The following COL18A1 variants were observed in gnomAD, a reference collection of about 807,000 sequenced individuals.
COL18A1 encodes the protein collagen alpha-1(XVIII) chain.
Under a neutral mutation model 168.0 loss-of-function variants are expected in COL18A1, and 133 were observed. The ratio of observed to expected loss-of-function variants is 0.79; its 90% CI spans 0.69 to 0.91. COL18A1 has a LOEUF of 0.91. COL18A1 is among the 40% of genes least tolerant of loss of function. COL18A1 has a pLI of 0.00. For missense variants in COL18A1, 2,126 were observed against 1,925.4 expected, an observed-to-expected ratio of 1.10 and a Z score of -1.95; for synonymous variants, 949 against 809.0, an observed-to-expected ratio of 1.17 and a Z score of -2.94.
chr21:45,510,611 C>T (rs1397852062), intron 40 of COL18A1, among the ~76,000 whole-genome samples: 2 of 152,186 alleles, frequency 1.3e-5, no homozygotes, highest in East Asian at 1.9e-4. Context: ...GAATCAGGAA[C>T]CGTCCTTTGG....
At chr21:45,440,532 GT>G (rs1226718822) in intron 2 of COL18A1, among the ~76,000 whole-genome samples, 1 of 151,618 alleles carries the variant, frequency 6.6e-6, no homozygotes, top group African/African-American at 2.4e-5. Flanking sequence ...GCCTGCTGGG[GT>G]TTGAGCCACG....
In COL18A1 at chr21:45,497,101, C is replaced by G; in HGVS notation, c.2620+9C>G. ...GCCTCCAGGATTGCCAGGTGAGGGT[C>G]CTGGGCTCACAGCTGGGGACACAGG... On this transcript the variant is annotated intron_variant, in intron 31 of 41. Coordinates refer to ENST00000651438, the MANE Select transcript of COL18A1 (RefSeq NM_001379500.1). 1 of 1,554,018 alleles carries G rather than the reference C, an allele frequency of 6.4e-7. No individual in the cohort carries two copies. The highest frequency in any genetic ancestry group is 1.1e-5 in the South Asian group (1 of 90,134).
intron 2 of COL18A1, among the ~76,000 whole-genome samples, chr21:45,464,633 G>T (rs2035142886): frequency 6.6e-6 from 1 of 152,214 alleles, no homozygotes; most frequent in Non-Finnish European, 1.5e-5. Context: ...TGTTGTCAGG[G>T]CTGGGTCCCT....
intron 2 of COL18A1, among the ~76,000 whole-genome samples, chr21:45,414,109 C>T (rs1183597737): frequency 1.3e-5 from 2 of 152,186 alleles, no homozygotes; most frequent in Non-Finnish European, 1.5e-5. Flanking sequence ...TTGGATGCAC[C>T]GCCTGGCCCC....
chr21:45,413,360 G>C (rs1393708155), intron 2 of COL18A1, among the ~76,000 whole-genome samples: 1 of 152,268 alleles, frequency 6.6e-6, no homozygotes, highest in African/African-American at 2.4e-5. Flanking sequence ...CACCATGACA[G>C]GCTTCAACGC....
chr21:45,489,088 C>T (rs1284268405), intron 18 of COL18A1, among the ~76,000 whole-genome samples: 2 of 152,244 alleles, frequency 1.3e-5, no homozygotes, highest in African/African-American at 4.8e-5. Flanking sequence ...TCACGCGTCA[C>T]CAGCCCCTGC....
chr21:45,454,577 C>T (rs761891635), intron 2 of COL18A1, among the ~76,000 whole-genome samples: 22 of 152,188 alleles, frequency 1.4e-4, no homozygotes, highest in African/African-American at 2.7e-4. Context: ...TGATGGGCTC[C>T]GTGATCTTGA....
chr21:45,476,448 T>C lies in COL18A1; in HGVS notation c.896T>C (p.Val299Ala). The stretch of plus-strand genomic sequence containing the variant: ...ACGGAAGATTCCAGAAGTGAAGAAG[T>C]CGAGGAGCAGACCACGGTGGCTTCG... The part of the protein sequence containing the change: ...SSTEDSRSEE[V>A]EEQTTVASLG... Residue 299 changes from valine to alanine, a missense_variant, in exon 6 of 42, where the codon GTC becomes GCC. Val to Ala is a moderately conservative substitution (Grantham distance 64, BLOSUM62 0). Coordinates refer to ENST00000651438, the MANE Select transcript of COL18A1 (RefSeq NM_001379500.1). 6.2e-7 allele frequency: 1 copy of C among 1,613,602 alleles called. No homozygotes were observed.
chr21:45,441,414 A>AC lies in COL18A1; in HGVS notation c.107-26823dup, dbSNP rs565351225. ...GAGTTTTCCTGTGTTAAATCATAAA[A>AC]CCCCCACATGCCCATCCCAGGTGCC... On this transcript the variant is annotated intron_variant, in intron 2 of 41. Transcript: ENST00000651438. Among the ~76,000 whole-genome samples the AC allele has an allele frequency of 2.1e-4, 32 of 150,626 alleles. No homozygotes were observed. The East Asian group carries it at 6.3e-3, about 30-fold the overall frequency.
chr21:45,491,462 G>A (rs1421298407), intron 22 of COL18A1, 148 bp downstream of exon 22: 21 of 661,570 alleles, frequency 3.2e-5, no homozygotes, highest in Non-Finnish European at 5.9e-5. Context: ...CTCGGTGGGG[G>A]CTGCAGACGC....
At chr21:45,426,455 G>T (rs956595756) in intron 2 of COL18A1, among the ~76,000 whole-genome samples, 3 of 152,160 alleles carry the variant, frequency 2.0e-5, no homozygotes, top group Non-Finnish European at 4.4e-5. Flanking sequence ...GCGAGGCTGC[G>T]CTTGCTCTCC....
intron 41 of COL18A1, 107 bp from the exon 42 acceptor site, chr21:45,512,081 G>A: frequency 7.9e-7 from 1 of 1,258,338 alleles, no homozygotes; most frequent in Non-Finnish European, 1.1e-6. Context: ...CAGCCCCCTG[G>A]TAACCCCAGG....
intron 41 of COL18A1, 90 bp downstream of exon 41, chr21:45,511,316 T>A: frequency 1.4e-6 from 1 of 733,836 alleles, no homozygotes; most frequent in Non-Finnish European, 2.5e-6. Context: ...CCCCCCGAGT[T>A]TTTGGACAAA....
intron 40 of COL18A1, among the ~76,000 whole-genome samples, chr21:45,510,898 A>G (rs146737374): frequency 0.012 from 1,876 of 151,880 alleles, 30 homozygotes; most frequent in East Asian, 0.034. Flanking sequence ...GTTCCCTGGC[A>G]GGACATGCCC....
At chr21:45,415,551 A>G (rs2033417993) in intron 2 of COL18A1, among the ~76,000 whole-genome samples, 1 of 152,200 alleles carries the variant, frequency 6.6e-6, no homozygotes, top group South Asian at 2.1e-4. Flanking sequence ...CCCTTCCGGA[A>G]GATGGATGCA....
At chr21:45,450,238 C>T (rs759677318) in intron 2 of COL18A1, among the ~76,000 whole-genome samples, 5 of 152,118 alleles carry the variant, frequency 3.3e-5, no homozygotes, top group Admixed American at 1.3e-4. Context: ...ATTCTGGGCT[C>T]GGGCGAGCAT....
chr21:45,505,164 C>T lies in COL18A1; in HGVS notation c.2899C>T (p.Pro967Ser), dbSNP rs761528498. 5.0e-6 allele frequency: 8 copies of T among 1,607,426 alleles called. No individual in the cohort carries two copies. The South Asian group carries it at 7.7e-5, about 16-fold the overall frequency. Residue 967 changes from proline (P) to serine (S), a missense_variant, in exon 35 of 42, where the codon CCC (proline) becomes TCC (serine). By Grantham distance (74) the Pro-to-Ser change is moderately conservative. Coordinates refer to ENST00000651438, the MANE Select transcript of COL18A1 (RefSeq NM_001379500.1). ...CAAGGGAGAGAGCATCCGGGGCCAG[C>T]CCGGCCCACCTGGACCTCAGGGACC... The part of the protein sequence containing the change: ...GPKGESIRGQ[P>S]GPPGPQGPPG...
intron 2 of COL18A1, among the ~76,000 whole-genome samples, chr21:45,448,178 CGTT>C (rs2034543017): frequency 6.6e-6 from 1 of 152,312 alleles, no homozygotes; most frequent in East Asian, 1.9e-4. Flanking sequence ...CCTGCATTGA[CGTT>C]GATACGATGA....
intron 2 of COL18A1, among the ~76,000 whole-genome samples, chr21:45,431,262 G>A (rs1053994096): frequency 6.6e-6 from 1 of 152,166 alleles, no homozygotes; most frequent in African/African-American, 2.4e-5. Context: ...GCAGAGACCT[G>A]GGGAGGCCCA....
Sources: allele counts gnomAD v4.1 joint callset (sites outside exome capture counted in the v4.1 genomes callset), GRCh38; gene constraint gnomAD v4.1.1; transcripts MANE v1.5; gene names NCBI Gene and HGNC (gene_info 2026-07-23, HGNC 2026-07-21).